MEF2C: variants seen among roughly 807,000 people sequenced by gnomAD.
MEF2C encodes myocyte-specific enhancer factor 2C.
In MEF2C, 6 loss-of-function variants were observed where a neutral mutation model predicts 50.5. The observed-to-expected ratio is 0.12, with a 90% confidence interval of 0.07 to 0.23. The LOEUF (loss-of-function observed/expected upper bound fraction) is 0.23, where lower values mean the gene tolerates loss of function less well. Among genes scored for constraint, MEF2C ranks in the 10% least tolerant of loss-of-function variants. The pLI is 1.00. For missense variants in MEF2C, 276 were observed against 605.0 expected, an observed-to-expected ratio of 0.46 and a Z score of 5.70; for synonymous variants, 183 against 228.0, an observed-to-expected ratio of 0.80 and a Z score of 1.78.
Position 88,776,152 on chromosome 5 carries a change from T to C in MEF2C, c.259-14824A>G, listed in dbSNP as rs576023194. Among the ~76,000 whole-genome samples the C allele has an allele frequency of 2.0e-5, 3 of 152,246 alleles. No homozygotes were observed. In the East Asian group the frequency reaches 5.8e-4, roughly 29 times the overall value. On this transcript the variant is annotated intron_variant, in intron 3 of 10. Coordinates refer to ENST00000504921, the MANE Select transcript of MEF2C (RefSeq NM_002397.5). Reference sequence around the variant, plus strand: ...CATAAAATTGTTAAGATAAATTTCATTAATCAATTTGTTAACTGTTATGAT... The same window carrying C: ...CATAAAATTGTTAAGATAAATTTCACTAATCAATTTGTTAACTGTTATGAT...
Position 88,718,595 on chromosome 5 carries a change from C to G in MEF2C, c.*4009G>C, listed in dbSNP as rs999090102. On this transcript the variant is annotated 3_prime_UTR_variant, in exon 11 of 11. Transcript: ENST00000504921. ...ATCTGAAGCAATCCAAGTCCTATGC[C>G]TACAGTGACCCAGGTCTACTTTGCT... The G allele has an allele frequency of 6.6e-6, 1 of 152,138 alleles. No homozygotes were observed. Among genetic ancestry groups the G allele is most frequent in the Non-Finnish European group, 1.5e-5 (1 of 68,022 alleles). 9.4% of individuals were successfully genotyped at this position (152,138 alleles called of 1,614,324 possible).
At chr5:88,789,473 A>AT (rs879547333) in intron 3 of MEF2C, among the ~76,000 whole-genome samples, 47 of 143,484 alleles carry the variant, frequency 3.3e-4, no homozygotes, top group East Asian at 1.0e-3. Context: ...TGCTATAACT[A>AT]TTTTTTTTTT....
chr5:88,779,155 T>C (rs2152847556), intron 3 of MEF2C, among the ~76,000 whole-genome samples: 2 of 152,342 alleles, frequency 1.3e-5, no homozygotes, highest in Middle Eastern at 6.8e-3. Flanking sequence ...ATAAATAATA[T>C]TAACCACATA....
At chr5:88,769,200 G>C (rs1781322546) in intron 3 of MEF2C, among the ~76,000 whole-genome samples, 1 of 152,190 alleles carries the variant, frequency 6.6e-6, no homozygotes, top group Admixed American at 6.5e-5. Flanking sequence ...CTATAAATCT[G>C]AATTAAGCAT....
chr5:88,880,540 T>C (rs1832516356), intron 1 of MEF2C, among the ~76,000 whole-genome samples: 1 of 152,108 alleles, frequency 6.6e-6, no homozygotes, highest in African/African-American at 2.4e-5. Flanking sequence ...TAAAAGATAA[T>C]GTTAAGATAT....
Position 88,822,603 on chromosome 5 carries a change from T to G in MEF2C, c.54+1132A>C, listed in dbSNP as rs112976737. Among the ~76,000 whole-genome samples, 246 of 152,082 alleles carry G rather than the reference T, an allele frequency of 1.6e-3. No homozygotes were observed. The South Asian group carries it at 0.019, about 12-fold the overall frequency. ...TACTGACTTTGATGCAAGAAATAAT[T>G]AATTCCTATTCATTATAGTTTACAC... is the stretch of plus-strand genomic sequence containing the variant. On this transcript the variant is annotated intron_variant, in intron 2 of 10. Coordinates refer to ENST00000504921, the MANE Select transcript of MEF2C (RefSeq NM_002397.5).
chr5:88,771,809 G>A (rs1312175778), intron 3 of MEF2C: 1 of 167,110 alleles, frequency 6.0e-6, no homozygotes, highest in Non-Finnish European at 1.2e-5. Flanking sequence ...AGTTCTGGTA[G>A]GTTAAAGCAA....
chr5:88,824,368 T>C, intron 1 of MEF2C: 1 of 985,064 alleles, frequency 1.0e-6, no homozygotes, highest in Non-Finnish European at 1.2e-6. Flanking sequence ...TCTCCTGTTT[T>C]GACAGCAGAG....
Position 88,775,877 on chromosome 5 carries a change from C to A in MEF2C, c.259-14549G>T, listed in dbSNP as rs1029890857. 4.5e-6 allele frequency: 4 copies of A among 891,230 alleles called. No homozygotes were observed. In the African/African-American group the frequency reaches 7.2e-5, roughly 16 times the overall value. 55.2% of individuals were successfully genotyped at this position (891,230 alleles called of 1,614,324 possible). On this transcript the variant is annotated intron_variant, in intron 3 of 10. Coordinates refer to ENST00000504921, the MANE Select transcript of MEF2C (RefSeq NM_002397.5). ...TTATATACATTTTATTTTTTTATCT[C>A]ATTTTGTTCCATTGACTAGGCCCTC...
At chr5:88,742,501 T>C in intron 6 of MEF2C, 5 of 978,900 alleles carry the variant, frequency 5.1e-6, no homozygotes, top group Non-Finnish European at 6.1e-6. Flanking sequence ...TACTTTACTG[T>C]AGATATAGAA....
At chr5:88,781,450 C>T (rs537726531) in intron 3 of MEF2C, among the ~76,000 whole-genome samples, 1 of 152,266 alleles carries the variant, frequency 6.6e-6, no homozygotes, top group African/African-American at 2.4e-5. Flanking sequence ...GAAGCTGAAG[C>T]TTGGTGGAAA....
At chr5:88,796,678 G>T (rs555521259) in intron 3 of MEF2C, among the ~76,000 whole-genome samples, 1 of 151,930 alleles carries the variant, frequency 6.6e-6, no homozygotes, top group African/African-American at 2.4e-5. Context: ...GCTTTTGTTT[G>T]TTCTTGCTTC....
intron 1 of MEF2C, among the ~76,000 whole-genome samples, chr5:88,875,830 G>A (rs1168077638): frequency 6.6e-6 from 1 of 151,896 alleles, no homozygotes; most frequent in Non-Finnish European, 1.5e-5. Flanking sequence ...GACAGAAGAG[G>A]GGAAGTTTAT....
chr5:88,750,195 T>A, intron 5 of MEF2C: 3 of 585,334 alleles, frequency 5.1e-6, no homozygotes, highest in Non-Finnish European at 6.4e-6. Flanking sequence ...TATATATACA[T>A]ATATATACAC....
At position 88,749,206 on chromosome 5, in the gene MEF2C, C is replaced by T. The variant is rs551569061; in HGVS notation, c.590-89G>A. ...CCTTCAGCAACCTCAGTATTTTGTC[C>T]TCTTGCAATAGTCATAAACTTGTAA... On this transcript the variant is annotated intron_variant, in intron 5 of 10. Transcript: ENST00000504921. 93 of 1,372,452 alleles carry T rather than the reference C, an allele frequency of 6.8e-5. 1 individual carries two copies. The South Asian group carries it at 1.5e-3, about 22-fold the overall frequency. The allele number at this position is 1,372,452 out of a possible 1,614,324, so 85.0% of individuals were successfully genotyped here.
intron 1 of MEF2C, among the ~76,000 whole-genome samples, chr5:88,876,541 G>T (rs918389349): frequency 2.0e-5 from 3 of 151,832 alleles, no homozygotes; most frequent in Non-Finnish European, 4.4e-5. Context: ...TATAAATCGC[G>T]TGTTTATTAA....
chr5:88,851,233 CAAAA>C (rs35458971), intron 1 of MEF2C, among the ~76,000 whole-genome samples: 4 of 106,816 alleles, frequency 3.7e-5, no homozygotes, highest in South Asian at 3.0e-4. Context: ...CTCCATCTCA[CAAAA>C]AAAAAAAAAA....
At chr5:88,885,007 T>C (rs1371630729), upstream of MEF2C, among the ~76,000 whole-genome samples, 1 of 152,136 alleles carries the variant, frequency 6.6e-6, no homozygotes, top group Non-Finnish European at 1.5e-5. Context: ...AAAAATATTG[T>C]GAAAGCAAGA....
chr5:88,794,859 A>G (rs982413943), intron 3 of MEF2C, among the ~76,000 whole-genome samples: 1 of 152,136 alleles, frequency 6.6e-6, no homozygotes, highest in African/African-American at 2.4e-5. Context: ...CTTTTTACAT[A>G]TGGCTAGCCA....
Sources: gnomAD v4.1 joint callset for allele counts (sites outside exome capture counted in the v4.1 genomes callset) on GRCh38, gnomAD v4.1.1 for gene constraint, MANE v1.5 for transcripts, NCBI Gene and HGNC (gene_info 2026-07-23, HGNC 2026-07-21) for gene names.